MCTP1: variants seen among roughly 807,000 people sequenced by gnomAD.
MCTP1 encodes multiple C2 and transmembrane domain-containing protein 1.
A neutral mutation model predicts 120.6 loss-of-function variants in MCTP1; 69 were observed. The ratio of observed to expected loss-of-function variants is 0.57; its 90% CI spans 0.47 to 0.70. MCTP1 has a LOEUF of 0.70. MCTP1 is among the 30% of genes least tolerant of loss of function. The pLI is 0.00. For synonymous variants in MCTP1, 529 were observed against 493.1 expected (o/e 1.07, Z -0.96); for missense variants, 1,203 against 1,248.8 (o/e 0.96, Z 0.55).
At chr5:95,038,354 A>G (rs1841729320) in intron 1 of MCTP1, among the ~76,000 whole-genome samples, 1 of 152,230 alleles carries the variant, frequency 6.6e-6, no homozygotes, top group Non-Finnish European at 1.5e-5. Context: ...TTACAACCCA[A>G]AGAATAAAAT....
intron 10 of MCTP1, among the ~76,000 whole-genome samples, chr5:94,905,999 G>C (rs1031927268): frequency 1.7e-4 from 25 of 149,194 alleles, no homozygotes; most frequent in Non-Finnish European, 3.6e-4. Flanking sequence ...CGGTGTCCTG[G>C]AAGGCAAGCG....
chr5:94,941,432 G>A (rs1452669431), intron 4 of MCTP1, among the ~76,000 whole-genome samples: 4 of 152,028 alleles, frequency 2.6e-5, no homozygotes, highest in Non-Finnish European at 5.9e-5. Context: ...ATAAGCCATT[G>A]TGCTCAAACT....
rs569072444 is a variant in MCTP1 at position 94,996,444 on chromosome 5, T to C, written c.838+20923A>G. Among the ~76,000 whole-genome samples, 6 of 152,298 alleles carry C rather than the reference T, an allele frequency of 3.9e-5. No homozygotes were observed. In the South Asian group the frequency reaches 1.2e-3, roughly 32 times the overall value. On this transcript the variant is annotated intron_variant, in intron 2 of 22. Coordinates refer to ENST00000515393, the MANE Select transcript of MCTP1 (RefSeq NM_024717.7). ...TACTATAGCCATTTCCCATTATCCA[T>C]GGGGGATTGGCTCTAGGATGCCCCG...
chr5:94,791,264 C>G (rs1778891496), intron 18 of MCTP1, among the ~76,000 whole-genome samples: 1 of 151,802 alleles, frequency 6.6e-6, no homozygotes, highest in South Asian at 2.1e-4. Context: ...CACCACTGCA[C>G]TCCAGCCTGG....
chr5:94,887,767 T>A (rs553640981), intron 12 of MCTP1, among the ~76,000 whole-genome samples: 1 of 152,336 alleles, frequency 6.6e-6, no homozygotes, highest in African/African-American at 2.4e-5. Flanking sequence ...ACTAATATTT[T>A]AAATTTTCTC....
chr5:94,762,162 C>A (rs895238764), intron 19 of MCTP1, among the ~76,000 whole-genome samples: 1 of 152,164 alleles, frequency 6.6e-6, no homozygotes, highest in Non-Finnish European at 1.5e-5. Flanking sequence ...CCAAACATGG[C>A]GGGCTTTGGA....
At position 95,124,850 on chromosome 5, in the gene MCTP1, A is replaced by G. The variant is rs542335805; in HGVS notation, c.721-107366T>C. On this transcript the variant is annotated intron_variant, in intron 1 of 22. Transcript: ENST00000515393. ...ATCTCAATATTTTCCTTCTCTTCTT[A>G]TATTACCTGAGGACTTTCATCTTCT... 3.8e-4 allele frequency among the ~76,000 whole-genome samples: 58 copies of G among 152,254 alleles called. 1 individual carries two copies. The South Asian group carries it at 0.011, about 30-fold the overall frequency.
At chr5:94,838,625 T>C (rs1670818557) in intron 17 of MCTP1, among the ~76,000 whole-genome samples, 1 of 152,252 alleles carries the variant, frequency 6.6e-6, no homozygotes, top group African/African-American at 2.4e-5. Context: ...TTTACCCATT[T>C]GAACTTGAAA....
At chr5:95,006,293 GTGTATATATATGTATATATA>G (rs1013905155) in intron 2 of MCTP1, among the ~76,000 whole-genome samples, 2 of 151,184 alleles carry the variant, frequency 1.3e-5, no homozygotes, top group Non-Finnish European at 2.9e-5. Flanking sequence ...ATATATGTAT[GTGTATATATATGTATATATA>G]TGTATGTATA....
At chr5:95,032,459 G>A (rs565636281) in intron 1 of MCTP1, among the ~76,000 whole-genome samples, 5 of 152,016 alleles carry the variant, frequency 3.3e-5, no homozygotes, top group East Asian at 1.9e-4. Context: ...ACAAGTACAC[G>A]GAAACTAAAA....
intron 1 of MCTP1, among the ~76,000 whole-genome samples, chr5:95,217,470 G>A (rs1753162462): frequency 6.6e-6 from 1 of 152,174 alleles, no homozygotes; most frequent in Admixed American, 6.5e-5. Flanking sequence ...TTCGAATAAA[G>A]ATGTAGTGGG....
Position 94,819,828 on chromosome 5 carries a change from A to C in MCTP1, c.2437-20696T>G, listed in dbSNP as rs547427547. On this transcript the variant is annotated intron_variant, in intron 17 of 22. Transcript: ENST00000515393. ...GCTTTTAGGAAAATTGGCCACAAACAATACGTTTTCAGATAGTTCATTCTG... is the reference window on the plus strand; with the variant it reads ...GCTTTTAGGAAAATTGGCCACAAACCATACGTTTTCAGATAGTTCATTCTG... Among the ~76,000 whole-genome samples the C allele has an allele frequency of 3.7e-4, 56 of 152,282 alleles. 1 individual carries two copies. Among genetic ancestry groups the C allele is most frequent in the African/African-American group, 1.3e-3 (54 of 41,536 alleles).
chr5:94,933,047 T>G (rs988946447), intron 5 of MCTP1, among the ~76,000 whole-genome samples: 1 of 151,954 alleles, frequency 6.6e-6, no homozygotes, highest in Non-Finnish European at 1.5e-5. Flanking sequence ...TAGCGTAACA[T>G]TTTCAAAGAT....
chr5:94,953,836 T>TATACAACTATATATATGC (rs1821304704), intron 2 of MCTP1, among the ~76,000 whole-genome samples: 2 of 46,126 alleles, frequency 4.3e-5, no homozygotes, highest in African/African-American at 3.1e-4. Flanking sequence ...TATACATATA[T>TATACAACTATATATATGC]ATATATACAC....
chr5:95,160,843 A>G (rs1388769384), intron 1 of MCTP1, among the ~76,000 whole-genome samples: 1 of 152,192 alleles, frequency 6.6e-6, no homozygotes, highest in Non-Finnish European at 1.5e-5. Context: ...CAACAGTTAT[A>G]TGAAAAAAAT....
intron 17 of MCTP1, among the ~76,000 whole-genome samples, chr5:94,841,930 A>C: frequency 6.6e-6 from 1 of 152,176 alleles, no homozygotes. Context: ...GCTCAGGAAA[A>C]ACACCCCCAA....
chr5:94,898,207 C>G (rs919285805), intron 10 of MCTP1, among the ~76,000 whole-genome samples: 1 of 152,110 alleles, frequency 6.6e-6, no homozygotes, highest in Non-Finnish European at 1.5e-5. Flanking sequence ...AGAGAATGCC[C>G]ATTTTCATAA....
At chr5:95,273,372 G>A (rs1372437131) in intron 1 of MCTP1, among the ~76,000 whole-genome samples, 1 of 152,190 alleles carries the variant, frequency 6.6e-6, no homozygotes, top group East Asian at 1.9e-4. Context: ...ACAGGAGAGA[G>A]GATGCATATT....
intron 1 of MCTP1, among the ~76,000 whole-genome samples, chr5:95,241,873 A>C (rs1056537066): frequency 6.6e-6 from 1 of 152,236 alleles, no homozygotes; most frequent in Admixed American, 6.5e-5. Context: ...AAAGCAAAAT[A>C]GTCTGAAAAG....
Sources: allele counts gnomAD v4.1 joint callset (sites outside exome capture counted in the v4.1 genomes callset), GRCh38; gene constraint gnomAD v4.1.1; transcripts MANE v1.5; gene names NCBI Gene and HGNC (gene_info 2026-07-23, HGNC 2026-07-21).